KCNC2: variants seen among roughly 807,000 people sequenced by gnomAD.
KCNC2 encodes the protein potassium voltage-gated channel subfamily C member 2.
Under a neutral mutation model 44.5 loss-of-function variants are expected in KCNC2, and 21 were observed. The observed-to-expected ratio is 0.47, with a 90% CI of 0.33 to 0.68. The LOEUF (loss-of-function observed/expected upper bound fraction) is 0.68. KCNC2 is among the 30% of genes least tolerant of loss of function. The probability of loss-of-function intolerance (pLI) is 0.01; values close to 1 mark genes in which losing one functional copy is unlikely to be tolerated. For synonymous variants in KCNC2, 391 were observed against 339.1 expected, an observed-to-expected ratio of 1.15 and a Z score of -1.68; for missense variants, 589 against 826.2, an observed-to-expected ratio of 0.71 and a Z score of 3.52.
At chr12:75,169,221 T>C (rs1891653968) in intron 2 of KCNC2, among the ~76,000 whole-genome samples, 1 of 151,612 alleles carries the variant, frequency 6.6e-6, no homozygotes, top group African/African-American at 2.4e-5. Context: ...TTCCCAGGTA[T>C]GATTTCTATC....
At chr12:75,163,668 C>T (rs149753104) in intron 2 of KCNC2, among the ~76,000 whole-genome samples, 18 of 151,812 alleles carry the variant, frequency 1.2e-4, no homozygotes, top group African/African-American at 4.1e-4. Flanking sequence ...TTTAAAGAAG[C>T]TGGTGACGTA....
intron 2 of KCNC2, among the ~76,000 whole-genome samples, chr12:75,164,659 A>G (rs973573654): frequency 6.6e-6 from 1 of 151,654 alleles, no homozygotes; most frequent in African/African-American, 2.4e-5. Context: ...TGTTCTCTGG[A>G]TAAGTAAATT....
intron 2 of KCNC2, among the ~76,000 whole-genome samples, chr12:75,136,661 G>A (rs1889253082): frequency 6.6e-6 from 1 of 151,920 alleles, no homozygotes; most frequent in Non-Finnish European, 1.5e-5. Context: ...TGAGTAATAA[G>A]ATAGAATCAG....
At chr12:75,118,095 T>C (rs575072595) in intron 2 of KCNC2, among the ~76,000 whole-genome samples, 45 of 152,322 alleles carry the variant, frequency 3.0e-4, no homozygotes, top group African/African-American at 1.1e-3. Flanking sequence ...AGCAATGGCA[T>C]TTTTAGAGCT....
chr12:75,071,076 A>G (rs947637395), intron 2 of KCNC2, among the ~76,000 whole-genome samples: 1 of 152,120 alleles, frequency 6.6e-6, no homozygotes, highest in Admixed American at 6.6e-5. Context: ...GCGTTGAAGC[A>G]TATCTTCACC....
chr12:75,164,232 T>C (rs1424342691), intron 2 of KCNC2, among the ~76,000 whole-genome samples: 1 of 151,670 alleles, frequency 6.6e-6, no homozygotes, highest in African/African-American at 2.4e-5. Context: ...TTGGACTCAA[T>C]GCCGTTCTCA....
At chr12:75,182,392 G>A (rs1350794772) in intron 2 of KCNC2, among the ~76,000 whole-genome samples, 4 of 151,144 alleles carry the variant, frequency 2.6e-5, no homozygotes, top group East Asian at 3.9e-4. Context: ...GCGTGGTGGC[G>A]GGTGCCTGTA....
At chr12:75,155,724 A>G (rs1040949941) in intron 2 of KCNC2, among the ~76,000 whole-genome samples, 2 of 151,628 alleles carry the variant, frequency 1.3e-5, no homozygotes, top group African/African-American at 4.8e-5. Flanking sequence ...AGATGAATTA[A>G]TGAATTAGAC....
At chr12:75,111,986 G>C (rs1257422205) in intron 2 of KCNC2, among the ~76,000 whole-genome samples, 2 of 144,594 alleles carry the variant, frequency 1.4e-5, no homozygotes, top group Non-Finnish European at 3.0e-5. Context: ...AAATTCAATA[G>C]GAAAAAATTC....
chr12:75,046,887 A>G (rs1425790758), intron 4 of KCNC2, among the ~76,000 whole-genome samples: 1 of 151,962 alleles, frequency 6.6e-6, no homozygotes, highest in Non-Finnish European at 1.5e-5. Context: ...AGAAGCAGAG[A>G]AGAAAAATCT....
intron 2 of KCNC2, among the ~76,000 whole-genome samples, chr12:75,161,199 C>A (rs536685324): frequency 4.6e-5 from 7 of 151,466 alleles, no homozygotes; most frequent in African/African-American, 1.7e-4. Flanking sequence ...GTCATGAAAG[C>A]AATAATAATT....
At chr12:75,186,223 T>C (rs1050795180) in intron 2 of KCNC2, among the ~76,000 whole-genome samples, 1 of 151,976 alleles carries the variant, frequency 6.6e-6, no homozygotes, top group African/African-American at 2.4e-5. Context: ...CTTCTTGGAG[T>C]TCTTGAAACA....
At chr12:75,084,545 C>G (rs1884832753) in intron 2 of KCNC2, among the ~76,000 whole-genome samples, 1 of 151,912 alleles carries the variant, frequency 6.6e-6, no homozygotes, top group Non-Finnish European at 1.5e-5. Context: ...GTTTCTTCCT[C>G]ATTTTTCTCT....
intron 2 of KCNC2, among the ~76,000 whole-genome samples, chr12:75,192,697 G>T (rs1194705392): frequency 1.3e-5 from 2 of 152,120 alleles, no homozygotes; most frequent in South Asian, 2.1e-4. Context: ...AAATTAAAAA[G>T]TGGGAAAAGA....
At chr12:75,097,708 T>TA (rs1384298057) in intron 2 of KCNC2, among the ~76,000 whole-genome samples, 5 of 152,150 alleles carry the variant, frequency 3.3e-5, no homozygotes, top group Non-Finnish European at 7.4e-5. Context: ...TATACCATGA[T>TA]TTTTAAGAGC....
At chr12:75,169,324 C>A (rs1055272232) in intron 2 of KCNC2, among the ~76,000 whole-genome samples, 14 of 151,424 alleles carry the variant, frequency 9.2e-5, no homozygotes, top group Admixed American at 9.2e-4. Flanking sequence ...AAAATTACAG[C>A]AATTCTGAAA....
chr12:75,051,090 G>A lies in KCNC2; in HGVS notation c.915C>T (p.Pro305=). The A allele has an allele frequency of 6.2e-7, 1 of 1,613,328 alleles. No homozygotes were observed. The highest frequency in any genetic ancestry group is 8.5e-7 in the Non-Finnish European group (1 of 1,179,476). ...FEFLVRIVFS[P]NKLEFIKNLL... ...GATTTTTGATGAATTCAAGTTTATT[G>A]GGTGAAAAAACAATACGGACTAAAA... Residue 305 remains proline, a synonymous_variant, in exon 3 of 5, where the codon CCC becomes CCT. Coordinates refer to ENST00000549446, the MANE Select transcript of KCNC2 (RefSeq NM_139137.4).
At chr12:75,144,434 G>A (rs1889870307) in intron 2 of KCNC2, among the ~76,000 whole-genome samples, 1 of 151,968 alleles carries the variant, frequency 6.6e-6, no homozygotes, top group Admixed American at 6.6e-5. Context: ...ACTAAATTAG[G>A]GCCACTAGAA....
At chr12:75,089,463 T>C (rs1433947663) in intron 2 of KCNC2, among the ~76,000 whole-genome samples, 1 of 151,852 alleles carries the variant, frequency 6.6e-6, no homozygotes, top group African/African-American at 2.4e-5. Flanking sequence ...TTATCTTGTC[T>C]ACAGTGAAAC....
Sources: allele counts gnomAD v4.1 joint callset (sites outside exome capture counted in the v4.1 genomes callset), GRCh38; gene constraint gnomAD v4.1.1; transcripts MANE v1.5; gene names NCBI Gene and HGNC (gene_info 2026-07-23, HGNC 2026-07-21).